Variants in KAZN observed in about 807,000 individuals in gnomAD.
The protein encoded by KAZN is kazrin.
A neutral mutation model predicts 87.4 loss-of-function variants in KAZN; 40 were observed. The observed-to-expected ratio is 0.46, with a 90% CI of 0.36 to 0.60. The LOEUF is 0.60. Ranked by LOEUF, KAZN falls within the 20% of genes least tolerant of loss-of-function variation. The probability of loss-of-function intolerance (pLI) is 0.00; values close to 1 mark genes in which losing one functional copy is unlikely to be tolerated. For missense variants in KAZN, 898 were observed against 1,073.9 expected, an observed-to-expected ratio of 0.84 and a Z score of 2.29; for synonymous variants, 466 against 458.3, an observed-to-expected ratio of 1.02 and a Z score of -0.22.
intron 2 of KAZN, among the ~76,000 whole-genome samples, chr1:14,399,434 A>G (rs567023355): frequency 6.6e-6 from 1 of 152,290 alleles, no homozygotes; most frequent in Middle Eastern, 3.4e-3. Flanking sequence ...AAGTGAGTTT[A>G]ATGATGGAAA....
Position 15,044,015 on chromosome 1 carries a change from G to C in KAZN, c.582G>C (p.Leu194=). The C allele has an allele frequency of 6.2e-7, 1 of 1,611,846 alleles. No homozygotes were observed. Among genetic ancestry groups the C allele is most frequent in the Non-Finnish European group, 8.5e-7 (1 of 1,179,584 alleles). ...AGAGCGAGGATGCGGTCAAAGCGCT[G>C]GCCAAGGAGAAGGACCTGCTGGAGC... is the stretch of plus-strand genomic sequence containing the variant. The part of the protein sequence containing the change: ...RKESEDAVKA[L]AKEKDLLERE... The change falls in exon 4 of 15, where the codon CTG becomes CTC. Residue 194 remains leucine (L), a synonymous_variant. Transcript: ENST00000376030.
In KAZN at chr1:14,145,760, T is replaced by C. The variant is rs535242767; in HGVS notation, c.92-34675T>C. The stretch of plus-strand genomic sequence containing the variant: ...CACACCTGGCTAATTTTTGTATTTT[T>C]AGTAGAGACAGGGTTTCGCCATGTT... On this transcript the variant is annotated intron_variant, in intron 1 of 16. Transcript: ENST00000636203. 3.9e-5 allele frequency among the ~76,000 whole-genome samples: 6 copies of C among 152,278 alleles called. No homozygotes were observed. The East Asian group carries it at 7.8e-4, about 20-fold the overall frequency.
intron 2 of KAZN, among the ~76,000 whole-genome samples, chr1:14,993,853 G>T (rs1463465624): frequency 6.6e-6 from 1 of 152,226 alleles, no homozygotes; most frequent in Non-Finnish European, 1.5e-5. Flanking sequence ...TGACCCGGAT[G>T]TGTGTGGCAT....
intron 2 of KAZN, among the ~76,000 whole-genome samples, chr1:14,586,523 T>C (rs1029857004): frequency 1.2e-4 from 17 of 143,032 alleles, no homozygotes; most frequent in African/African-American, 4.5e-4. Flanking sequence ...TTTTTCTTTC[T>C]GGTTTTTTTT....
chr1:14,706,390 G>A (rs1254887486), intron 1 of KAZN, among the ~76,000 whole-genome samples: 2 of 151,788 alleles, frequency 1.3e-5, no homozygotes, highest in Non-Finnish European at 2.9e-5. Flanking sequence ...TGCCAAAAAC[G>A]TTGGGGACCG....
At chr1:14,400,069 C>CA (rs1160933239) in intron 2 of KAZN, among the ~76,000 whole-genome samples, 1 of 152,144 alleles carries the variant, frequency 6.6e-6, no homozygotes, top group Non-Finnish European at 1.5e-5. Flanking sequence ...TAATGATCCC[C>CA]AAGCCCAGTG....
intron 1 of KAZN, among the ~76,000 whole-genome samples, chr1:14,612,091 C>G (rs373437558): frequency 2.0e-5 from 3 of 152,266 alleles, no homozygotes; most frequent in Admixed American, 6.5e-5. Flanking sequence ...GCTCGACACA[C>G]AGGAGGAGCT....
At chr1:14,514,103 G>T (rs1473561142) in intron 2 of KAZN, among the ~76,000 whole-genome samples, 1 of 149,274 alleles carries the variant, frequency 6.7e-6, no homozygotes, top group Admixed American at 6.8e-5. Flanking sequence ...GGTGGATCAC[G>T]ATGTCAGGAG....
intron 1 of KAZN, among the ~76,000 whole-genome samples, chr1:14,051,397 GT>G (rs1642321994): frequency 1.3e-5 from 2 of 152,118 alleles, no homozygotes; most frequent in Admixed American, 1.3e-4. Context: ...GGGAGTCTGG[GT>G]TTTTTCTTTA....
chr1:14,368,915 G>T (rs1240428198), intron 2 of KAZN, among the ~76,000 whole-genome samples: 1 of 152,138 alleles, frequency 6.6e-6, no homozygotes, highest in Admixed American at 6.5e-5. Flanking sequence ...TTCTCTCCAA[G>T]TATATTAATA....
chr1:13,911,632 A>G (rs1355656038), intron 1 of KAZN, among the ~76,000 whole-genome samples: 4 of 152,216 alleles, frequency 2.6e-5, no homozygotes, highest in East Asian at 1.9e-4. Context: ...TTTGAGGTCT[A>G]TATAAATTGT....
At chr1:14,858,023 T>C (rs1279264918) in intron 1 of KAZN, among the ~76,000 whole-genome samples, 1 of 152,168 alleles carries the variant, frequency 6.6e-6, no homozygotes, top group Non-Finnish European at 1.5e-5. Context: ...GATTTGCCTA[T>C]TCTGTGAATT....
At chr1:14,950,631 A>G (rs761553623) in intron 1 of KAZN, among the ~76,000 whole-genome samples, 13 of 152,168 alleles carry the variant, frequency 8.5e-5, no homozygotes, top group Non-Finnish European at 1.6e-4. Context: ...CTGTGGTCAC[A>G]TACAGAGCTT....
intron 2 of KAZN, among the ~76,000 whole-genome samples, chr1:14,190,155 G>A (rs1646394016): frequency 6.6e-6 from 1 of 152,118 alleles, no homozygotes; most frequent in Non-Finnish European, 1.5e-5. Context: ...CATCAATTCA[G>A]CTGGTCATTA....
intron 2 of KAZN, among the ~76,000 whole-genome samples, chr1:14,328,857 A>G (rs533665770): frequency 1.3e-5 from 2 of 151,818 alleles, no homozygotes; most frequent in East Asian, 3.9e-4. Context: ...CTCCTTAGAT[A>G]GTACATTGTG....
intron 2 of KAZN, among the ~76,000 whole-genome samples, chr1:14,514,175 A>G (rs1283680682): frequency 2.1e-5 from 3 of 144,572 alleles, no homozygotes; most frequent in African/African-American, 7.7e-5. Context: ...ATACAAAAAA[A>G]TTAGCCAGGT....
chr1:15,115,967 G>T lies in KAZN; in HGVS notation c.*1332G>T, dbSNP rs1426172553. The T allele has an allele frequency of 6.6e-6, 1 of 152,180 alleles. No individual in the cohort carries two copies. The highest frequency in any genetic ancestry group is 2.1e-4 in the South Asian group (1 of 4,826). The allele number at this position is 152,180 out of a possible 1,614,324, so 9.4% of individuals were successfully genotyped here. On this transcript the variant is annotated 3_prime_UTR_variant, in exon 15 of 15. Coordinates refer to ENST00000376030, the MANE Select transcript of KAZN (RefSeq NM_201628.3). The surrounding 1 kb of genome is among the most constrained non-coding windows in gnomAD (Gnocchi z 4.1). Reference sequence around the variant, plus strand: ...GAAGCAGTGTGCAAAAGGAAGAAAAGAAATGTTTAATGTTCAGACCTGCCA... The same window carrying T: ...GAAGCAGTGTGCAAAAGGAAGAAAATAAATGTTTAATGTTCAGACCTGCCA...
At chr1:14,466,162 T>C (rs1423585177) in intron 2 of KAZN, among the ~76,000 whole-genome samples, 6 of 152,116 alleles carry the variant, frequency 3.9e-5, no homozygotes, top group Non-Finnish European at 2.9e-5. Flanking sequence ...AAGCAACACA[T>C]GACTACACAA....
intron 1 of KAZN, among the ~76,000 whole-genome samples, chr1:14,084,220 A>T (rs1293817193): frequency 6.6e-6 from 1 of 152,166 alleles, no homozygotes; most frequent in African/African-American, 2.4e-5. Flanking sequence ...ATTAGAAAAG[A>T]TGGAATGTGG....
Sources: gnomAD v4.1 joint callset for allele counts (sites outside exome capture counted in the v4.1 genomes callset) on GRCh38, gnomAD v4.1.1 for gene constraint, Gnocchi (gnomAD v3.1) non-coding constraint, MANE v1.5 for transcripts, NCBI Gene and HGNC (gene_info 2026-07-23, HGNC 2026-07-21) for gene names.